Variants in TRPA1 observed in about 807,000 individuals in gnomAD.
TRPA1 encodes the protein transient receptor potential cation channel subfamily A member 1, also known as ankyrin-like with transmembrane domains 1.
In TRPA1, 129 loss-of-function variants were observed where a neutral mutation model predicts 131.3. The observed-to-expected ratio is 0.98, with a 90% CI of 0.85 to 1.14. The LOEUF is 1.14. Ranked by LOEUF, TRPA1 falls within the 50% of genes most tolerant of loss-of-function variation. The pLI, the probability that TRPA1 is intolerant of heterozygous loss-of-function variation, is 0.00. For synonymous variants in TRPA1, 441 were observed against 451.7 expected (o/e 0.98, Z 0.30); for missense variants, 1,304 against 1,354.2 (o/e 0.96, Z 0.58).
the TRPA1 span, among the ~76,000 whole-genome samples, chr8:72,087,941 A>C: frequency 6.6e-6 from 1 of 152,128 alleles, no homozygotes; most frequent in East Asian, 1.9e-4. Context: ...TTCAGCTCCC[A>C]TTCTGGGAAC....
chr8:72,042,266 A>G, intron 17 of TRPA1, among the ~76,000 whole-genome samples: 1 of 151,990 alleles, frequency 6.6e-6, no homozygotes, highest in East Asian at 1.9e-4. Context: ...AAGAAGATAC[A>G]TGAATAGTCA....
At chr8:72,039,152 G>A (rs889142466) in intron 18 of TRPA1, 125 bp from the exon 19 acceptor site, 15 of 935,750 alleles carry the variant, frequency 1.6e-5, no homozygotes, top group Non-Finnish European at 2.5e-5. Context: ...TGAAGCTTAA[G>A]ATCAAGTAAA....
intron 24 of TRPA1, among the ~76,000 whole-genome samples, chr8:72,027,755 A>G (rs541790411): frequency 5.9e-5 from 9 of 152,288 alleles, no homozygotes; most frequent in South Asian, 2.1e-4. Flanking sequence ...TTCAGAATGG[A>G]TGCAGAGAGT....
At position 72,061,662 on chromosome 8, in the gene TRPA1, TAAC is replaced by T. The variant is rs1447787840; in HGVS notation, c.904_906del (p.Val302del). On this transcript the variant is annotated inframe_deletion, in exon 7 of 27. Coordinates refer to ENST00000262209, the MANE Select transcript of TRPA1 (RefSeq NM_007332.3). ...GTCTCATGACATCCATCGGTTGTGT[TAAC>T]AATATCCACGCTACCAGAATAGGAC... 6.2e-7 allele frequency: 1 copy of T among 1,613,956 alleles called. No individual in the cohort carries two copies. Among genetic ancestry groups the T allele is most frequent in the East Asian group, 2.2e-5 (1 of 44,884 alleles).
chr8:72,073,177 A>G (rs1806103255), intron 1 of TRPA1, among the ~76,000 whole-genome samples: 1 of 152,214 alleles, frequency 6.6e-6, no homozygotes, highest in African/African-American at 2.4e-5. Context: ...TATCAAATAC[A>G]TCTGTTTTAG....
At chr8:72,059,292 C>T (rs12548486) in intron 8 of TRPA1, 98 bp downstream of exon 8, 309,114 of 850,030 alleles carry the variant, frequency 0.36, 58,661 homozygotes, top group Admixed American at 0.57. Flanking sequence ...AGCAAGAAAT[C>T]AAAATTTGCT....
chr8:72,025,649 T>C (rs561164209), intron 25 of TRPA1, among the ~76,000 whole-genome samples: 9 of 152,294 alleles, frequency 5.9e-5, no homozygotes, highest in Non-Finnish European at 8.8e-5. Flanking sequence ...AAATAAAGTA[T>C]ACCTGTACTG....
chr8:72,048,787 T>C (rs2383843), intron 15 of TRPA1, among the ~76,000 whole-genome samples: 19,651 of 152,180 alleles, frequency 0.13, 1,453 homozygotes, highest in Middle Eastern at 0.32. Context: ...GAAAATATAG[T>C]AGCATAAAGA....
intron 3 of TRPA1, among the ~76,000 whole-genome samples, chr8:72,067,773 A>G (rs1237174575): frequency 6.6e-6 from 1 of 152,146 alleles, no homozygotes; most frequent in Non-Finnish European, 1.5e-5. Context: ...AATAATGAAT[A>G]AAAAAATAAC....
chr8:72,052,559 C>T (rs941071228), intron 14 of TRPA1, 40 bp downstream of exon 14: 12 of 1,611,436 alleles, frequency 7.4e-6, no homozygotes, highest in Non-Finnish European at 9.3e-6. Flanking sequence ...ATCCCAACAC[C>T]AGAGAACACT....
At position 72,023,917 on chromosome 8, in the gene TRPA1, G is replaced by A. The variant is rs180680340; in HGVS notation, c.3052-6C>T. On this transcript the variant is annotated splice_polypyrimidine_tract_variant and splice_region_variant and intron_variant, in intron 25 of 26. Transcript: ENST00000262209. Reference sequence around the variant, plus strand: ...AATAAAAAACAGAATATATGCTGTCGGATAAAAAATAGTAGTTACTCAAAT... The same window carrying A: ...AATAAAAAACAGAATATATGCTGTCAGATAAAAAATAGTAGTTACTCAAAT... 1,545 of 1,551,724 alleles carry A rather than the reference G, an allele frequency of 1.0e-3. 10 individuals carry two copies. In the African/African-American group the frequency reaches 0.012, roughly 12 times the overall value.
intron 3 of TRPA1, among the ~76,000 whole-genome samples, chr8:72,068,094 A>T (rs1050388601): frequency 6.6e-6 from 1 of 152,234 alleles, no homozygotes; most frequent in Non-Finnish European, 1.5e-5. Context: ...GGAAAGCAGA[A>T]AGTGGCTCCT....
chr8:72,083,179 G>T, the TRPA1 span, among the ~76,000 whole-genome samples: 5,834 of 151,756 alleles, frequency 0.038, 378 homozygotes, highest in African/African-American at 0.13. Context: ...TTGTTGTTTT[G>T]TCATTCTCAA....
intron 6 of TRPA1, 71 bp from the exon 7 acceptor site, chr8:72,061,832 G>C (rs1805816242): frequency 6.6e-7 from 1 of 1,518,682 alleles, no homozygotes; most frequent in South Asian, 1.1e-5. Flanking sequence ...ATTCAGCTGT[G>C]AGCTTTTTCT....
intron 7 of TRPA1, among the ~76,000 whole-genome samples, chr8:72,060,860 C>CTTT (rs34558929): frequency 1.4e-5 from 2 of 141,814 alleles, no homozygotes; most frequent in Admixed American, 7.1e-5. Flanking sequence ...GCTATAGTTT[C>CTTT]TTTTTTTTTT....
At chr8:72,078,799 A>G (rs1027997880), upstream of TRPA1, among the ~76,000 whole-genome samples, 1 of 152,036 alleles carries the variant, frequency 6.6e-6, no homozygotes, top group Non-Finnish European at 1.5e-5. Context: ...GAGTAATGTG[A>G]TAAGTATGTG....
intron 7 of TRPA1, 81 bp from the exon 8 acceptor site, chr8:72,059,519 G>T: frequency 2.3e-6 from 2 of 851,484 alleles, no homozygotes; most frequent in Non-Finnish European, 3.7e-6. Flanking sequence ...TACTATATTC[G>T]GAAAGTGAAT....
intron 4 of TRPA1, among the ~76,000 whole-genome samples, chr8:72,064,381 T>C (rs1449277540): frequency 6.6e-6 from 1 of 151,890 alleles, no homozygotes; most frequent in African/African-American, 2.4e-5. Flanking sequence ...AGTATACACA[T>C]AAATTAAACT....
chr8:72,061,352 C>A (rs535663840), intron 7 of TRPA1, among the ~76,000 whole-genome samples: 1 of 152,058 alleles, frequency 6.6e-6, no homozygotes. Flanking sequence ...ACTTCTTTAG[C>A]ACATAGAAAA....
Sources: allele counts gnomAD v4.1 joint callset (sites outside exome capture counted in the v4.1 genomes callset), GRCh38; gene constraint gnomAD v4.1.1; transcripts MANE v1.5; gene names NCBI Gene and HGNC (gene_info 2026-07-23, HGNC 2026-07-21).